NUBPL: variants seen among roughly 807,000 people sequenced by gnomAD.
NUBPL encodes iron-sulfur cluster transfer protein NUBPL.
Under a neutral mutation model 45.7 loss-of-function variants are expected in NUBPL, and 31 were observed. The observed-to-expected ratio is 0.68, with a 90% CI of 0.51 to 0.92. The LOEUF (loss-of-function observed/expected upper bound fraction) is 0.92, where lower values mean the gene tolerates loss of function less well. Ranked by LOEUF, NUBPL falls within the 40% of genes least tolerant of loss-of-function variation. The pLI is 0.00. For missense variants in NUBPL, 401 were observed against 398.7 expected, an observed-to-expected ratio of 1.01 and a Z score of -0.05; for synonymous variants, 144 against 140.9, an observed-to-expected ratio of 1.02 and a Z score of -0.15.
chr14:31,783,507 T>C (rs1475972317), intron 6 of NUBPL, among the ~76,000 whole-genome samples: 1 of 149,084 alleles, frequency 6.7e-6, no homozygotes. Context: ...GGAACCTTAA[T>C]AGCAGTTCTT....
intron 7 of NUBPL, among the ~76,000 whole-genome samples, chr14:31,818,439 GT>G (rs1369289451): frequency 1.3e-5 from 2 of 152,176 alleles, no homozygotes; most frequent in African/African-American, 2.4e-5. Flanking sequence ...CAGTATCTTT[GT>G]TTTTTTCTTC....
At chr14:31,633,885 G>A (rs531833114) in intron 4 of NUBPL, among the ~76,000 whole-genome samples, 2 of 151,906 alleles carry the variant, frequency 1.3e-5, no homozygotes, top group Non-Finnish European at 2.9e-5. Context: ...TGCAATTTTC[G>A]ATATAATTGC....
chr14:31,585,767 AT>A (rs2033980403), intron 3 of NUBPL, among the ~76,000 whole-genome samples: 1 of 152,074 alleles, frequency 6.6e-6, no homozygotes, highest in Non-Finnish European at 1.5e-5. Flanking sequence ...TTGTGGTTTG[AT>A]TTGCATTTCC....
intron 6 of NUBPL, among the ~76,000 whole-genome samples, chr14:31,679,465 T>C (rs1450266284): frequency 6.6e-6 from 1 of 152,168 alleles, no homozygotes; most frequent in Non-Finnish European, 1.5e-5. Context: ...TAAGGGTCAA[T>C]GTTTATAATT....
At chr14:31,816,694 A>T (rs891708781) in intron 7 of NUBPL, among the ~76,000 whole-genome samples, 1 of 152,006 alleles carries the variant, frequency 6.6e-6, no homozygotes, top group Non-Finnish European at 1.5e-5. Context: ...TCTAAACACC[A>T]CTTTAGCTGT....
intron 4 of NUBPL, among the ~76,000 whole-genome samples, chr14:31,657,310 A>C (rs1318344336): frequency 6.6e-6 from 1 of 152,198 alleles, no homozygotes; most frequent in African/African-American, 2.4e-5. Context: ...CCATTCATAT[A>C]AGCTTTCAAA....
At chr14:31,601,944 G>A (rs1432359850) in intron 4 of NUBPL, among the ~76,000 whole-genome samples, 2 of 152,224 alleles carry the variant, frequency 1.3e-5, no homozygotes, top group Admixed American at 6.5e-5. Flanking sequence ...GCACACGTAT[G>A]TTTACTGTGG....
At chr14:31,704,943 G>A (rs2037415127) in intron 6 of NUBPL, among the ~76,000 whole-genome samples, 1 of 152,178 alleles carries the variant, frequency 6.6e-6, no homozygotes, top group Non-Finnish European at 1.5e-5. Context: ...ATGTTCAGAT[G>A]TGTCCGGAGT....
In NUBPL at chr14:31,561,466, T is replaced by G. The variant is rs2033273685; in HGVS notation, c.27T>G (p.Leu9=). The part of the protein sequence containing the change: MGIWQRLL[L]FGGVSLRAGG... ...TGGGGATTTGGCAGCGTCTGCTGCT[T>G]TTTGGTGGGGTGTCGCTCCGGGCTG... Residue 9 remains leucine, a synonymous_variant, in exon 1 of 11, where the codon CTT becomes CTG. Coordinates refer to ENST00000281081, the MANE Select transcript of NUBPL (RefSeq NM_025152.3). The G allele has an allele frequency of 2.8e-6, 4 of 1,418,716 alleles. No homozygotes were observed. The highest frequency in any genetic ancestry group is 3.7e-6 in the Non-Finnish European group (4 of 1,076,578). 87.9% of individuals were successfully genotyped at this position (1,418,716 alleles called of 1,614,324 possible). A position where few individuals can be genotyped will look rare whatever the true frequency, so the allele number is the denominator to read the frequency against.
chr14:31,813,770 G>C (rs2039862585), intron 7 of NUBPL, among the ~76,000 whole-genome samples: 2 of 152,132 alleles, frequency 1.3e-5, no homozygotes, highest in African/African-American at 4.8e-5. Flanking sequence ...CCACTTATAA[G>C]TGAGAACATG....
At chr14:31,839,600 G>A (rs756751581) in intron 8 of NUBPL, among the ~76,000 whole-genome samples, 1 of 152,102 alleles carries the variant, frequency 6.6e-6, no homozygotes, top group Non-Finnish European at 1.5e-5. Context: ...AGACAAATAG[G>A]ATTACATCAA....
chr14:31,743,462 C>G (rs2038328761), intron 6 of NUBPL, among the ~76,000 whole-genome samples: 1 of 152,174 alleles, frequency 6.6e-6, no homozygotes, highest in African/African-American at 2.4e-5. Context: ...TCACTGCAAC[C>G]TCCACCGCCT....
chr14:31,828,238 A>G lies in NUBPL; in HGVS notation c.693+1524A>G, dbSNP rs895206181. On this transcript the variant is annotated intron_variant, in intron 8 of 10. Transcript: ENST00000281081. ...CCTAATTTGAGCAGTGTTACTTTGT[A>G]TTATGCCCTCTAAGACAAACTAGAC... 8.5e-5 allele frequency among the ~76,000 whole-genome samples: 13 copies of G among 152,196 alleles called. 1 individual carries two copies. The highest frequency in any genetic ancestry group is 1.5e-5 in the Non-Finnish European group (1 of 68,022).
chr14:31,643,990 C>G (rs1021978916), intron 4 of NUBPL, among the ~76,000 whole-genome samples: 21 of 151,820 alleles, frequency 1.4e-4, no homozygotes, highest in African/African-American at 4.8e-4. Flanking sequence ...GTTGTTATAT[C>G]TCCTTTATAG....
intron 10 of NUBPL, 72 bp from the exon 11 acceptor site, chr14:31,859,046 A>G (rs898836580): frequency 2.7e-5 from 37 of 1,354,772 alleles, no homozygotes; most frequent in Non-Finnish European, 3.9e-5. Flanking sequence ...GGGCCTCTAT[A>G]ACAAACAGTT....
At chr14:31,592,058 T>C (rs992575333) in intron 3 of NUBPL, among the ~76,000 whole-genome samples, 1 of 151,884 alleles carries the variant, frequency 6.6e-6, no homozygotes, top group Non-Finnish European at 1.5e-5. Context: ...TGGTTTGCAG[T>C]TTAAAATATG....
intron 6 of NUBPL, among the ~76,000 whole-genome samples, chr14:31,680,636 C>T (rs2036810049): frequency 6.6e-6 from 1 of 151,986 alleles, no homozygotes; most frequent in African/African-American, 2.4e-5. Flanking sequence ...GTTCCAGGAA[C>T]TCTATAGGTA....
At chr14:31,780,208 A>G (rs2082165) in intron 6 of NUBPL, among the ~76,000 whole-genome samples, 151,470 of 151,842 alleles carry the variant, frequency 1, 75,552 homozygotes, top group Middle Eastern at 1. Flanking sequence ...GATTACAGGC[A>G]TGTGCCACCA....
chr14:31,780,924 G>GA (rs1442146398), intron 6 of NUBPL, among the ~76,000 whole-genome samples: 3 of 152,154 alleles, frequency 2.0e-5, no homozygotes, highest in Non-Finnish European at 4.4e-5. Context: ...TGGCTTAAAG[G>GA]AAATTCAACA....
Sources: gnomAD v4.1 joint callset for allele counts (sites outside exome capture counted in the v4.1 genomes callset) on GRCh38, gnomAD v4.1.1 for gene constraint, MANE v1.5 for transcripts, NCBI Gene and HGNC (gene_info 2026-07-23, HGNC 2026-07-21) for gene names.